Variants in TNS1 observed in about 807,000 individuals in gnomAD.
TNS1 encodes the protein tensin 1, also known as tensin-1.
TNS1 carries 62 observed loss-of-function variants against 168.6 expected under a neutral mutation model. The ratio of observed to expected loss-of-function variants is 0.37; its 90% CI spans 0.30 to 0.45. TNS1 has a LOEUF of 0.45. Ranked by LOEUF, TNS1 falls within the 20% of genes least tolerant of loss-of-function variation. The probability of loss-of-function intolerance (pLI) is 1.00; values close to 1 mark genes in which losing one functional copy is unlikely to be tolerated. For synonymous variants in TNS1, 934 were observed against 933.2 expected (o/e 1.00, Z -0.02); for missense variants, 2,240 against 2,339.4 (o/e 0.96, Z 0.88).
intron 32 of TNS1, among the ~76,000 whole-genome samples, chr2:217,805,884 CCACACACACACA>C (rs57846949): frequency 2.0e-5 from 3 of 147,166 alleles, no homozygotes; most frequent in Admixed American, 6.7e-5. Context: ...TATACACACA[CCACACACACACA>C]CACACACACA....
chr2:217,906,871 G>A (rs1308584066), intron 5 of TNS1, among the ~76,000 whole-genome samples: 1 of 152,164 alleles, frequency 6.6e-6, no homozygotes, highest in Non-Finnish European at 1.5e-5. Context: ...AGAAAGACCT[G>A]TTTGGAAAGA....
chr2:217,809,416 C>CATGGATGGATGGATGGATGGATGGATGG (rs1940181713), intron 30 of TNS1, among the ~76,000 whole-genome samples: 1 of 3,916 alleles, frequency 2.6e-4, no homozygotes, highest in Non-Finnish European at 4.6e-4. Flanking sequence ...TGGATGGATG[C>CATGGATGGATGGATGGATGGATGGATGG]ATGGATGGAT....
intron 3 of TNS1, among the ~76,000 whole-genome samples, chr2:217,931,553 C>T (rs1374208977): frequency 1.3e-5 from 2 of 152,220 alleles, no homozygotes; most frequent in African/African-American, 2.4e-5. Flanking sequence ...GAGACCCACA[C>T]AGACATCAGC....
chr2:217,955,943 C>G (rs1957350801), intron 3 of TNS1, among the ~76,000 whole-genome samples: 1 of 152,142 alleles, frequency 6.6e-6, no homozygotes, highest in South Asian at 2.1e-4. Context: ...CACAAAATGT[C>G]AGGCATCTGG....
At chr2:217,852,388 C>T (rs1316260058) in intron 18 of TNS1, among the ~76,000 whole-genome samples, 3 of 152,204 alleles carry the variant, frequency 2.0e-5, no homozygotes, top group African/African-American at 7.2e-5. Flanking sequence ...CCTCCTGGGC[C>T]AGTGATCCCC....
chr2:218,003,399 C>T (rs974250015), upstream of TNS1, among the ~76,000 whole-genome samples: 17 of 152,180 alleles, frequency 1.1e-4, no homozygotes, highest in Non-Finnish European at 2.2e-4. Flanking sequence ...AATCAGCACA[C>T]TCAGGGTGCC....
chr2:217,885,683 T>A (rs915556520), intron 15 of TNS1, 61 bp downstream of exon 15: 27 of 1,549,256 alleles, frequency 1.7e-5, no homozygotes, highest in Non-Finnish European at 2.1e-5. Context: ...AGGAAAGGAG[T>A]AAGAAAAGAA....
At chr2:217,858,168 G>A (rs371558111) in intron 18 of TNS1, among the ~76,000 whole-genome samples, 8 of 151,962 alleles carry the variant, frequency 5.3e-5, no homozygotes, top group East Asian at 1.9e-4. Context: ...CGCACAAGAC[G>A]AACCGTTACC....
At chr2:217,888,215 G>A (rs571531504) in intron 12 of TNS1, among the ~76,000 whole-genome samples, 4 of 152,316 alleles carry the variant, frequency 2.6e-5, no homozygotes, top group South Asian at 4.1e-4. Flanking sequence ...GTCTGTGTTC[G>A]AGGGACAATG....
chr2:217,960,531 C>CCATG (rs1957471178), intron 3 of TNS1, among the ~76,000 whole-genome samples: 1 of 152,090 alleles, frequency 6.6e-6, no homozygotes, highest in African/African-American at 2.4e-5. Flanking sequence ...CACAGATGGC[C>CCATG]CATGCTGTTT....
chr2:217,869,667 T>C (rs1949599900), intron 18 of TNS1, among the ~76,000 whole-genome samples: 1 of 152,214 alleles, frequency 6.6e-6, no homozygotes, highest in Admixed American at 6.5e-5. Context: ...GCAGGCTCTG[T>C]GGACGCATCT....
At chr2:217,912,300 G>A (rs1954505757) in intron 4 of TNS1, among the ~76,000 whole-genome samples, 1 of 152,248 alleles carries the variant, frequency 6.6e-6, no homozygotes, top group South Asian at 2.1e-4. Context: ...CCAGGGCCGA[G>A]GGGAAGGGGA....
At chr2:217,844,014 G>A (rs1946325675) in intron 19 of TNS1, among the ~76,000 whole-genome samples, 1 of 152,000 alleles carries the variant, frequency 6.6e-6, no homozygotes, top group African/African-American at 2.4e-5. Context: ...TAACACCAAG[G>A]CTTCATCTTC....
At chr2:218,013,668 G>C (rs1211049023), upstream of TNS1, among the ~76,000 whole-genome samples, 1 of 152,100 alleles carries the variant, frequency 6.6e-6, no homozygotes, top group Non-Finnish European at 1.5e-5. Flanking sequence ...CCCTGGACCT[G>C]CCTCCAAGCC....
In TNS1 at chr2:217,886,725, C is replaced by T. The variant is rs1429281790; in HGVS notation, c.867-79G>A. 4 of 1,169,268 alleles carry T rather than the reference C, an allele frequency of 3.4e-6. No individual in the cohort carries two copies. In the African/African-American group the frequency reaches 4.6e-5, roughly 13 times the overall value. The allele number at this position is 1,169,268 out of a possible 1,614,324, so 72.4% of individuals were successfully genotyped here. A position where few individuals can be genotyped will look rare whatever the true frequency, so the allele number is the denominator to read the frequency against. On this transcript the variant is annotated intron_variant, in intron 12 of 32. Transcript: ENST00000682258. ...ATCCCTGTTCTCTCTTTTCCAAGAACATTGCCCTAGACCACTCACCTACTC... is the reference window on the plus strand; with the variant it reads ...ATCCCTGTTCTCTCTTTTCCAAGAATATTGCCCTAGACCACTCACCTACTC...
At chr2:218,010,167 CAGG>C (rs1958692934) in exon 1 of TNS1, 1 of 399,030 alleles carries the variant, frequency 2.5e-6, no homozygotes, top group Non-Finnish European at 4.4e-6. Context: ...TCGGATCACG[CAGG>C]AGAAGCACCA....
chr2:217,832,125 C>T (rs531751641), intron 21 of TNS1, among the ~76,000 whole-genome samples: 2 of 152,302 alleles, frequency 1.3e-5, no homozygotes, highest in South Asian at 2.1e-4. Context: ...GGCCAGCCCT[C>T]GGCCAAGCAT....
chr2:217,917,056 G>T (rs1402950483), intron 4 of TNS1, among the ~76,000 whole-genome samples: 1 of 152,202 alleles, frequency 6.6e-6, no homozygotes, highest in Non-Finnish European at 1.5e-5. Context: ...GAGGAAACAG[G>T]TGCTGAGTGC....
intron 3 of TNS1, among the ~76,000 whole-genome samples, chr2:217,927,970 A>C (rs945511362): frequency 6.6e-6 from 1 of 152,214 alleles, no homozygotes; most frequent in Admixed American, 6.5e-5. Context: ...TGACCCTCCT[A>C]TCTGTGGACA....
Sources: allele counts gnomAD v4.1 joint callset (sites outside exome capture counted in the v4.1 genomes callset), GRCh38; gene constraint gnomAD v4.1.1; transcripts MANE v1.5; gene names NCBI Gene and HGNC (gene_info 2026-07-23, HGNC 2026-07-21).